HINT1: variants seen among roughly 807,000 people sequenced by gnomAD.
The protein encoded by HINT1 is histidine triad nucleotide binding protein 1.
HINT1 carries 12 observed loss-of-function variants against 11.2 expected under a neutral mutation model. The ratio of observed to expected loss-of-function variants is 1.07; its 90% CI spans 0.69 to 1.74. The LOEUF is 1.74. Among genes scored for constraint, HINT1 ranks in the 40% most tolerant of loss-of-function variants. The probability of loss-of-function intolerance (pLI) is 0.00; values close to 1 mark genes in which losing one functional copy is unlikely to be tolerated. For missense variants in HINT1, 150 were observed against 161.8 expected (o/e 0.93, Z 0.40); for synonymous variants, 42 against 52.6 (o/e 0.80, Z 0.87).
chr5:131,164,000 G>C (rs1414895154), intron 1 of HINT1, among the ~76,000 whole-genome samples: 8 of 151,904 alleles, frequency 5.3e-5, no homozygotes, highest in Non-Finnish European at 1.0e-4. Context: ...ACTTTAAAAA[G>C]AAATATTTTT....
At position 131,162,107 on chromosome 5, in the gene HINT1, C is replaced by T. The variant is rs534620890; in HGVS notation, c.216+465G>A. ...TTGGGAGGCCGAGGCGGGCGGATCACGAGGTCAGGAAATCGAAACTATCCT... is the reference window on the plus strand; with the variant it reads ...TTGGGAGGCCGAGGCGGGCGGATCATGAGGTCAGGAAATCGAAACTATCCT... On this transcript the variant is annotated intron_variant, in intron 2 of 2. Transcript: ENST00000304043. The T allele has an allele frequency of 1.5e-5, 5 of 333,694 alleles. No homozygotes were observed. The East Asian group carries it at 1.6e-4, about 11-fold the overall frequency. 20.7% of individuals were successfully genotyped at this position (333,694 alleles called of 1,614,324 possible).
chr5:131,163,521 A>G (rs1401262282), intron 1 of HINT1, among the ~76,000 whole-genome samples: 3 of 151,848 alleles, frequency 2.0e-5, no homozygotes, highest in Non-Finnish European at 4.4e-5. Flanking sequence ...AACAGAAAAA[A>G]ACCTCTGATT....
Position 131,159,474 on chromosome 5 carries a change from A to T in HINT1, c.354T>A (p.Gly118=), listed in dbSNP as rs778238148. 6.2e-7 allele frequency: 1 copy of T among 1,612,416 alleles called. No individual in the cohort carries two copies. The highest frequency in any genetic ancestry group is 8.5e-7 in the Non-Finnish European group (1 of 1,179,784). ...AACCAGGAGGCCAATGCATTTGCCG[A>T]CCTCCAAGAACATGGAGATGAACGT... ...VYHVHLHVLG[G]RQMHWPPG is the part of the protein sequence containing the mutation. Residue 118 remains glycine, a synonymous_variant, in exon 3 of 3, where the codon GGT becomes GGA. Coordinates refer to ENST00000304043, the MANE Select transcript of HINT1 (RefSeq NM_005340.7).
chr5:131,159,539 C>G lies in HINT1; in HGVS notation c.289G>C (p.Val97Leu). Residue 97 changes from valine to leucine, a missense_variant, in exon 3 of 3, where the codon GTG (valine) becomes CTG (leucine). Val to Leu is a conservative substitution (Grantham distance 32). Coordinates refer to ENST00000304043, the MANE Select transcript of HINT1 (RefSeq NM_005340.7). ...DLGLNKGYRM[V>L]VNEGSDGGQS... ...CCACCATCTGAACCTTCATTCACCACCATTCGATAACCCTTATTCAGGCCC... is the reference window on the plus strand; with the variant it reads ...CCACCATCTGAACCTTCATTCACCAGCATTCGATAACCCTTATTCAGGCCC... The G allele has an allele frequency of 4.3e-6, 7 of 1,613,914 alleles. No homozygotes were observed. The highest frequency in any genetic ancestry group is 5.1e-6 in the Non-Finnish European group (6 of 1,179,912).
At chr5:131,165,059 C>G (rs766117344) in intron 1 of HINT1, 36 bp downstream of exon 1, 1 of 1,612,950 alleles carries the variant, frequency 6.2e-7, no homozygotes, top group African/African-American at 1.3e-5. Context: ...ACGATACCCA[C>G]CTCAGCAGGC....
chr5:131,159,135 G>A lies in HINT1; in HGVS notation c.*312C>T, dbSNP rs767284392. The A allele has an allele frequency of 5.7e-5, 11 of 194,420 alleles. No homozygotes were observed. The highest frequency in any genetic ancestry group is 1.1e-4 in the Non-Finnish European group (11 of 96,292). 12.0% of individuals were successfully genotyped at this position (194,420 alleles called of 1,614,324 possible). A position where few individuals can be genotyped will look rare whatever the true frequency, so the allele number is the denominator to read the frequency against. ...TAAACTCTCATTATTTGTCTTCAAA[G>A]ACTAGTAACACCATTAAAACAATGC... On this transcript the variant is annotated 3_prime_UTR_variant, in exon 3 of 3. Coordinates refer to ENST00000304043, the MANE Select transcript of HINT1 (RefSeq NM_005340.7).
At chr5:131,162,838 G>A (rs1301715967) in intron 1 of HINT1, among the ~76,000 whole-genome samples, 162 bp from the exon 2 acceptor site, 1 of 151,928 alleles carries the variant, frequency 6.6e-6, no homozygotes, top group African/African-American at 2.4e-5. Context: ...TCCTTTCCAT[G>A]GAAGTCTTTT....
rs1336631320 is a variant in HINT1, at chr5:131,165,241, G to T, written c.-36C>A. 6.3e-7 allele frequency: 1 copy of T among 1,594,126 alleles called. No homozygotes were observed. Among genetic ancestry groups the T allele is most frequent in the Non-Finnish European group, 8.5e-7 (1 of 1,176,072 alleles). ...CTCCCGCGCGGCGGCCAGAGGAGAGGCTCGGAAGAAGGGAGGAACCCGCAG... is the reference window on the plus strand; with the variant it reads ...CTCCCGCGCGGCGGCCAGAGGAGAGTCTCGGAAGAAGGGAGGAACCCGCAG... On this transcript the variant is annotated 5_prime_UTR_variant, in exon 1 of 3. Transcript: ENST00000304043.
intron 2 of HINT1, among the ~76,000 whole-genome samples, chr5:131,160,012 C>T (rs1255239556): frequency 6.6e-6 from 1 of 151,998 alleles, no homozygotes; most frequent in African/African-American, 2.4e-5. Flanking sequence ...CCACCACACC[C>T]GGCTAATTTT....
At chr5:131,160,384 A>G (rs976547932) in intron 2 of HINT1, among the ~76,000 whole-genome samples, 3 of 152,156 alleles carry the variant, frequency 2.0e-5, no homozygotes, top group Admixed American at 6.5e-5. Flanking sequence ...CTATTTACAC[A>G]TGGAGTCTAT....
chr5:131,159,457 G>T lies in HINT1; in HGVS notation c.371C>A (p.Pro124His). The T allele has an allele frequency of 6.2e-7, 1 of 1,611,576 alleles. No individual in the cohort carries two copies. Among genetic ancestry groups the T allele is most frequent in the Non-Finnish European group, 8.5e-7 (1 of 1,179,630 alleles). The change falls in exon 3 of 3, where the codon CCT becomes CAT. Residue 124 changes from proline to histidine, a missense_variant. Physicochemically the swap from Pro to His is moderately conservative, Grantham distance 77. Transcript: ENST00000304043. ...ATCCCCAAAACGTGCTTAACCAGGA[G>T]GCCAATGCATTTGCCGACCTCCAAG... ...HVLGGRQMHW[P>H]PG
rs1755187157 is a variant in HINT1, at chr5:131,159,220, A to C, written c.*227T>G. ...AAGCAAGAAACATCCAAAATTATAA[A>C]CCCACCTTCACATATTCCAACAAAT... is the stretch of plus-strand genomic sequence containing the variant. On this transcript the variant is annotated 3_prime_UTR_variant, in exon 3 of 3. Coordinates refer to ENST00000304043, the MANE Select transcript of HINT1 (RefSeq NM_005340.7). The C allele has an allele frequency of 4.9e-6, 2 of 404,528 alleles. No homozygotes were observed. The highest frequency in any genetic ancestry group is 8.9e-6 in the Non-Finnish European group (2 of 225,484). 25.1% of individuals were successfully genotyped at this position (404,528 alleles called of 1,614,324 possible).
At position 131,162,579 on chromosome 5, in the gene HINT1, T is replaced by C. The variant is rs1561537267; in HGVS notation, c.209A>G (p.Asp70Gly). The C allele has an allele frequency of 1.9e-6, 3 of 1,610,414 alleles. No individual in the cohort carries two copies. Among genetic ancestry groups the C allele is most frequent in the Non-Finnish European group, 2.5e-6 (3 of 1,176,622 alleles). ...ISQISVAEDDDESLLGHLMIV... is the reference protein window; with the variant it reads ...ISQISVAEDDGESLLGHLMIV... ...TGTTAGAAATGTACTTACACTTTCA[T>C]CATCATCTTCTGCCACAGAAATCTG... The change falls in exon 2 of 3, where the codon GAT becomes GGT. Residue 70 changes from aspartate (D) to glycine (G), a missense_variant. Physicochemically the swap from Asp to Gly is moderately conservative, Grantham distance 94. Coordinates refer to ENST00000304043, the MANE Select transcript of HINT1 (RefSeq NM_005340.7).
At position 131,162,467 on chromosome 5, in the gene HINT1, T is replaced by G. The variant is rs565793442; in HGVS notation, c.216+105A>C. The stretch of plus-strand genomic sequence containing the variant: ...TCCTAATGGTTTTTCTGGTTTTTCC[T>G]TAGTAATGACCTTAGGAAGATGAAA... On this transcript the variant is annotated intron_variant, in intron 2 of 2. Transcript: ENST00000304043. 3.2e-6 allele frequency: 5 copies of G among 1,558,150 alleles called. No individual in the cohort carries two copies. In the South Asian group the frequency reaches 5.8e-5, roughly 18 times the overall value.
chr5:131,163,462 C>A (rs774632992), intron 1 of HINT1, among the ~76,000 whole-genome samples: 1 of 152,028 alleles, frequency 6.6e-6, no homozygotes. Flanking sequence ...CTAGTCATTC[C>A]GCCATTCCAT....
At position 131,164,779 on chromosome 5, in the gene HINT1, A is replaced by G. The variant is rs10070831; in HGVS notation, c.111+316T>C. ...AGGCAAGGTCCGAGGCAGCCGGGGAACCGGCGGGCTTCCACGCGGGGGCCC... is the reference window on the plus strand; with the variant it reads ...AGGCAAGGTCCGAGGCAGCCGGGGAGCCGGCGGGCTTCCACGCGGGGGCCC... On this transcript the variant is annotated intron_variant, in intron 1 of 2. Coordinates refer to ENST00000304043, the MANE Select transcript of HINT1 (RefSeq NM_005340.7). Among the ~76,000 whole-genome samples the G allele has an allele frequency of 0.12, 17,979 of 151,964 alleles. 2,641 individuals carry two copies. The highest frequency in any genetic ancestry group is 0.34 in the African/African-American group (14,283 of 41,440).
chr5:131,165,071 A>G, intron 1 of HINT1, 24 bp downstream of exon 1: 1 of 1,613,346 alleles, frequency 6.2e-7, no homozygotes, highest in Non-Finnish European at 8.5e-7. Context: ...TCAGCAGGCG[A>G]GAGAGGTGGT....
chr5:131,160,733 A>T, intron 2 of HINT1: 1 of 1,136,804 alleles, frequency 8.8e-7, no homozygotes, highest in South Asian at 1.3e-5. Context: ...TGATTTTTCA[A>T]CTTTACAATG....
chr5:131,164,500 G>C (rs1755339687), intron 1 of HINT1, among the ~76,000 whole-genome samples: 1 of 152,238 alleles, frequency 6.6e-6, no homozygotes, highest in African/African-American at 2.4e-5. Context: ...TTGGGGTGGA[G>C]ATAGGGATAG....
Sources: gnomAD v4.1 joint callset for allele counts (sites outside exome capture counted in the v4.1 genomes callset) on GRCh38, gnomAD v4.1.1 for gene constraint, MANE v1.5 for transcripts, NCBI Gene and HGNC (gene_info 2026-07-23, HGNC 2026-07-21) for gene names.